Variants in SHISA6 observed in about 807,000 individuals in gnomAD.
The protein encoded by SHISA6 is shisa family member 6.
In SHISA6, 22 loss-of-function variants were observed where a neutral mutation model predicts 47.9. That is an observed-to-expected ratio of 0.46 (90% CI 0.33 to 0.66). The LOEUF is 0.66. Ranked by LOEUF, SHISA6 falls within the 30% of genes least tolerant of loss-of-function variation. SHISA6 has a pLI of 0.02. For missense variants in SHISA6, 680 were observed against 764.6 expected, an observed-to-expected ratio of 0.89 and a Z score of 1.30; for synonymous variants, 388 against 337.8, an observed-to-expected ratio of 1.15 and a Z score of -1.63.
intron 2 of SHISA6, among the ~76,000 whole-genome samples, chr17:11,271,030 G>C (rs116566180): frequency 0.012 from 1,762 of 152,282 alleles, 26 homozygotes; most frequent in African/African-American, 0.041. Context: ...GGGTCTCTAG[G>C]GTGCAAATGG....
intron 3 of SHISA6, among the ~76,000 whole-genome samples, chr17:11,518,956 T>G (rs2071607076): frequency 6.6e-6 from 1 of 152,122 alleles, no homozygotes; most frequent in Admixed American, 6.5e-5. Context: ...CCACCCATGG[T>G]CAAAACCATT....
At chr17:11,325,374 C>G (rs1567573421) in intron 2 of SHISA6, among the ~76,000 whole-genome samples, 1 of 152,226 alleles carries the variant, frequency 6.6e-6, no homozygotes, top group Non-Finnish European at 1.5e-5. Flanking sequence ...GGTTACCCTC[C>G]CCACTGCTGC....
chr17:11,360,819 T>C (rs1912247901), intron 2 of SHISA6, among the ~76,000 whole-genome samples: 1 of 150,124 alleles, frequency 6.7e-6, no homozygotes, highest in African/African-American at 2.4e-5. Context: ...AAAAAGAATC[T>C]CCAGGCCCAC....
intron 1 of SHISA6, among the ~76,000 whole-genome samples, chr17:11,244,595 G>T (rs1404118127): frequency 1.3e-5 from 2 of 152,224 alleles, no homozygotes; most frequent in South Asian, 2.1e-4. Flanking sequence ...TTTTTGTGTA[G>T]ACTGTCTTGT....
At chr17:11,504,035 C>T (rs1438104895) in intron 3 of SHISA6, among the ~76,000 whole-genome samples, 2 of 152,200 alleles carry the variant, frequency 1.3e-5, no homozygotes, top group African/African-American at 2.4e-5. Context: ...GAGATGCTCA[C>T]TTATCTGGGA....
At chr17:11,501,312 A>G (rs763688547) in intron 3 of SHISA6, among the ~76,000 whole-genome samples, 1 of 152,038 alleles carries the variant, frequency 6.6e-6, no homozygotes, top group Non-Finnish European at 1.5e-5. Flanking sequence ...GGGTTTCACC[A>G]TGTTGGTCAG....
intron 3 of SHISA6, among the ~76,000 whole-genome samples, chr17:11,475,582 A>C (rs776025251): frequency 1.4e-4 from 22 of 151,926 alleles, no homozygotes; most frequent in Non-Finnish European, 2.9e-4. Context: ...TGGATTAGTT[A>C]ATTGGTTTTT....
Position 11,383,469 on chromosome 17 carries a change from G to T in SHISA6, c.895+3960G>T, listed in dbSNP as rs544592732. Among the ~76,000 whole-genome samples, 8 of 152,168 alleles carry T rather than the reference G, an allele frequency of 5.3e-5. No homozygotes were observed. The East Asian group carries it at 1.6e-3, about 30-fold the overall frequency. Reference sequence around the variant, plus strand: ...AGAACGTGAGATCTTATAAAACATAGAATTCTGCCTGTGGGAGCTCCATAT... The same window carrying T: ...AGAACGTGAGATCTTATAAAACATATAATTCTGCCTGTGGGAGCTCCATAT... On this transcript the variant is annotated intron_variant, in intron 3 of 5. Coordinates refer to ENST00000441885, the MANE Select transcript of SHISA6 (RefSeq NM_207386.4).
At chr17:11,313,426 A>T (rs1910400955) in intron 2 of SHISA6, among the ~76,000 whole-genome samples, 1 of 152,176 alleles carries the variant, frequency 6.6e-6, no homozygotes, top group African/African-American at 2.4e-5. Context: ...TGTAGCTGCT[A>T]AGGATAGAAA....
intron 4 of SHISA6, among the ~76,000 whole-genome samples, chr17:11,554,916 C>A (rs1396276391): frequency 6.6e-6 from 1 of 152,142 alleles, no homozygotes; most frequent in Non-Finnish European, 1.5e-5. Flanking sequence ...GCCATCCTCT[C>A]ATCTCCCTTT....
intron 3 of SHISA6, among the ~76,000 whole-genome samples, chr17:11,381,038 G>T (rs1296717731): frequency 6.6e-6 from 1 of 152,148 alleles, no homozygotes; most frequent in Non-Finnish European, 1.5e-5. Flanking sequence ...ATTCTGAGTG[G>T]GTGGGAACTA....
intron 1 of SHISA6, among the ~76,000 whole-genome samples, chr17:11,255,694 G>A (rs142146129): frequency 1.3e-5 from 2 of 152,250 alleles, no homozygotes; most frequent in African/African-American, 4.8e-5. Context: ...GGCGTGGATG[G>A]TCCCTTCCAG....
chr17:11,390,905 G>C (rs995706236), intron 3 of SHISA6, among the ~76,000 whole-genome samples: 2 of 152,198 alleles, frequency 1.3e-5, no homozygotes, highest in Non-Finnish European at 2.9e-5. Context: ...TGAGAAGCCA[G>C]GCAGTAAAAC....
intron 2 of SHISA6, among the ~76,000 whole-genome samples, chr17:11,294,478 G>A (rs545727287): frequency 1.3e-5 from 2 of 152,304 alleles, no homozygotes; most frequent in South Asian, 2.1e-4. Flanking sequence ...GAAGACAGTG[G>A]CATGAGCAGG....
intron 2 of SHISA6, among the ~76,000 whole-genome samples, chr17:11,350,187 T>TTA (rs1911834041): frequency 7.2e-6 from 1 of 139,190 alleles, no homozygotes; most frequent in African/African-American, 2.8e-5. Flanking sequence ...TATTTATTTT[T>TTA]TTTTTTTTTT....
At chr17:11,533,559 A>G (rs1353829726) in intron 3 of SHISA6, among the ~76,000 whole-genome samples, 2 of 142,350 alleles carry the variant, frequency 1.4e-5, no homozygotes, top group Non-Finnish European at 3.1e-5. Flanking sequence ...TTCAAGATTT[A>G]CTTTCTTTTT....
intron 3 of SHISA6, among the ~76,000 whole-genome samples, chr17:11,421,992 G>C (rs748533233): frequency 6.6e-6 from 1 of 152,150 alleles, no homozygotes; most frequent in African/African-American, 2.4e-5. Context: ...GAGGGGAGGA[G>C]GGGAGAAGAA....
chr17:11,553,814 G>C (rs9898957), intron 4 of SHISA6, among the ~76,000 whole-genome samples: 61,711 of 152,098 alleles, frequency 0.41, 13,024 homozygotes, highest in African/African-American at 0.51. Context: ...AGATACTAAA[G>C]TGGGTGGAAC....
chr17:11,313,845 C>T lies in SHISA6; in HGVS notation c.799+50319C>T, dbSNP rs112348879. 1.1e-3 allele frequency among the ~76,000 whole-genome samples: 170 copies of T among 151,902 alleles called. 1 individual carries two copies. The highest frequency in any genetic ancestry group is 3.8e-3 in the African/African-American group (156 of 41,410). ...GGAGGAGAGATGAGTAAGATGAAGA[C>T]GGAGAGAGAGAGAGAGAAGGACCAG... On this transcript the variant is annotated intron_variant, in intron 2 of 5. Coordinates refer to ENST00000441885, the MANE Select transcript of SHISA6 (RefSeq NM_207386.4).
Sources: gnomAD v4.1 joint callset for allele counts (sites outside exome capture counted in the v4.1 genomes callset) on GRCh38, gnomAD v4.1.1 for gene constraint, MANE v1.5 for transcripts, NCBI Gene and HGNC (gene_info 2026-07-23, HGNC 2026-07-21) for gene names.